The following GOLIM4 variants were observed in gnomAD, a reference collection of about 807,000 sequenced individuals.
GOLIM4 encodes the protein golgi integral membrane protein 4.
GOLIM4 carries 71 observed loss-of-function variants against 107.4 expected under a neutral mutation model. The ratio of observed to expected loss-of-function variants is 0.66; its 90% CI spans 0.55 to 0.81. The LOEUF is 0.81. GOLIM4 is among the 30% of genes least tolerant of loss of function. The pLI is 0.00. For synonymous variants in GOLIM4, 327 were observed against 294.8 expected (o/e 1.11, Z -1.12); for missense variants, 830 against 826.1 (o/e 1.00, Z -0.06).
chr3:168,031,414 T>C (rs951007486), intron 9 of GOLIM4, among the ~76,000 whole-genome samples: 4 of 152,244 alleles, frequency 2.6e-5, no homozygotes, highest in African/African-American at 9.6e-5. Context: ...GATTTGATCA[T>C]TATACATTAT....
intron 12 of GOLIM4, among the ~76,000 whole-genome samples, chr3:168,025,412 A>T (rs58555637): frequency 0.028 from 4,220 of 152,274 alleles, 201 homozygotes; most frequent in African/African-American, 0.097. Flanking sequence ...AATAATTAAT[A>T]AAAGTCAGAG....
At chr3:168,040,190 T>C (rs956699974) in intron 7 of GOLIM4, among the ~76,000 whole-genome samples, 5 of 152,202 alleles carry the variant, frequency 3.3e-5, no homozygotes, top group African/African-American at 1.2e-4. Context: ...CCAACACTTG[T>C]ATTTGTTCCC....
intron 13 of GOLIM4, 144 bp from the exon 14 acceptor site, chr3:168,024,738 C>A: frequency 1.2e-6 from 1 of 849,924 alleles, no homozygotes; most frequent in Non-Finnish European, 2.0e-6. Context: ...GTAATCATTC[C>A]CAATACAAAG....
intron 1 of GOLIM4, among the ~76,000 whole-genome samples, chr3:168,087,636 A>T (rs1486924970): frequency 6.6e-6 from 1 of 152,126 alleles, no homozygotes; most frequent in Non-Finnish European, 1.5e-5. Flanking sequence ...GACCCACCTA[A>T]CCTACTTTCT....
At position 168,095,236 on chromosome 3, in the gene GOLIM4, A is replaced by G. The variant is rs1722123026; in HGVS notation, c.50T>C (p.Leu17Pro). Residue 17 changes from leucine to proline, a missense_variant, in exon 1 of 16, where the codon CTG becomes CCG. By Grantham distance (98) the Leu-to-Pro change is moderately conservative. Transcript: ENST00000470487. ...SRKQKRIFQT[L>P]LLLTVVFGFL... is the part of the protein sequence containing the mutation. ...GCCGAACACGACGGTCAGCAGCAGC[A>G]GCGTCTGGAAAATCCGCTTCTGCTT... 6.2e-7 allele frequency: 1 copy of G among 1,613,482 alleles called. No individual in the cohort carries two copies. The highest frequency in any genetic ancestry group is 1.3e-5 in the African/African-American group (1 of 74,924).
intron 8 of GOLIM4, among the ~76,000 whole-genome samples, chr3:168,034,073 C>CT (rs2108233728): frequency 6.6e-6 from 1 of 152,278 alleles, no homozygotes; most frequent in African/African-American, 2.4e-5. Flanking sequence ...ATTATCAAAT[C>CT]TGAGAAATTG....
intron 1 of GOLIM4, among the ~76,000 whole-genome samples, chr3:168,061,231 A>C (rs1187058593): frequency 6.6e-6 from 1 of 152,184 alleles, no homozygotes; most frequent in Non-Finnish European, 1.5e-5. Context: ...TGCTCAACTA[A>C]ATTAGTTATC....
At chr3:168,064,514 A>G (rs1265014243) in intron 1 of GOLIM4, among the ~76,000 whole-genome samples, 1 of 152,206 alleles carries the variant, frequency 6.6e-6, no homozygotes, top group African/African-American at 2.4e-5. Flanking sequence ...ACTTACACCA[A>G]TATATGCATA....
At chr3:168,071,880 C>G (rs946460233) in intron 1 of GOLIM4, among the ~76,000 whole-genome samples, 3 of 152,136 alleles carry the variant, frequency 2.0e-5, no homozygotes, top group African/African-American at 7.2e-5. Flanking sequence ...CATCATCTTA[C>G]TCTTTTCAAA....
chr3:168,019,880 C>T (rs541944123), intron 14 of GOLIM4, among the ~76,000 whole-genome samples: 6 of 152,202 alleles, frequency 3.9e-5, no homozygotes, highest in Non-Finnish European at 2.9e-5. Flanking sequence ...GTAAAGTTCC[C>T]TGACCTCTGT....
chr3:168,054,907 G>A (rs1166705947), intron 1 of GOLIM4, among the ~76,000 whole-genome samples: 2 of 152,078 alleles, frequency 1.3e-5, no homozygotes, highest in African/African-American at 4.8e-5. Flanking sequence ...TAAGTCTCAT[G>A]AGATCTGATG....
At chr3:168,043,617 T>C (rs1719145858) in intron 4 of GOLIM4, 88 bp from the exon 5 acceptor site, 9 of 1,049,976 alleles carry the variant, frequency 8.6e-6, no homozygotes, top group Non-Finnish European at 1.1e-5. Flanking sequence ...CAAAAACAAA[T>C]GAAAGCAAGC....
At chr3:168,069,261 G>A (rs897274155) in intron 1 of GOLIM4, among the ~76,000 whole-genome samples, 2 of 152,006 alleles carry the variant, frequency 1.3e-5, no homozygotes, top group African/African-American at 4.8e-5. Context: ...CTCAATTTTT[G>A]GAAGAAAGCG....
chr3:168,068,847 T>TTTA (rs1451362482), intron 1 of GOLIM4, among the ~76,000 whole-genome samples: 112 of 150,392 alleles, frequency 7.4e-4, no homozygotes, highest in South Asian at 2.3e-3. Flanking sequence ...ATTTTTTTTT[T>TTTA]TTTTTTGAGA....
At chr3:168,040,283 T>C (rs147702718) in intron 7 of GOLIM4, among the ~76,000 whole-genome samples, 106 of 152,352 alleles carry the variant, frequency 7.0e-4, no homozygotes, top group African/African-American at 2.5e-3. Flanking sequence ...CTTATGACTC[T>C]TGTTTTTCCT....
chr3:168,040,051 C>G (rs1718896117), intron 7 of GOLIM4, among the ~76,000 whole-genome samples: 1 of 152,180 alleles, frequency 6.6e-6, no homozygotes, highest in Non-Finnish European at 1.5e-5. Flanking sequence ...GTTCTTTTAT[C>G]ATAATTCCTC....
rs1225992186 is a variant in GOLIM4 at position 168,048,298 on chromosome 3, T to C, written c.255A>G (p.Ala85=). 1.4e-6 allele frequency: 2 copies of C among 1,461,782 alleles called. No individual in the cohort carries two copies. The highest frequency in any genetic ancestry group is 2.8e-5 in the African/African-American group (2 of 72,134). 90.6% of individuals were successfully genotyped at this position (1,461,782 alleles called of 1,614,324 possible). ...LQKERLEHKK[A]KEDFLVYKLE... Reference sequence around the variant, plus strand: ...AATTATGTATTTACTTACCTTCCTTTGCTTTTTTATGTTCAAGTCTTTCTT... The same window carrying C: ...AATTATGTATTTACTTACCTTCCTTCGCTTTTTTATGTTCAAGTCTTTCTT... The change falls in exon 2 of 16, where the codon GCA becomes GCG. Residue 85 remains alanine (A), a synonymous_variant. Coordinates refer to ENST00000470487, the MANE Select transcript of GOLIM4 (RefSeq NM_014498.5).
rs564099280 is a variant in GOLIM4 at position 168,094,663 on chromosome 3, A to G, written c.187+436T>C. On this transcript the variant is annotated intron_variant, in intron 1 of 15. Coordinates refer to ENST00000470487, the MANE Select transcript of GOLIM4 (RefSeq NM_014498.5). ...AGCACAGTTTGAGAAATCTCTGCCA[A>G]ACTCTTCATTTTTTAAGCAACTGAC... 5.3e-5 allele frequency among the ~76,000 whole-genome samples: 8 copies of G among 152,288 alleles called. 1 individual carries two copies. In the South Asian group the frequency reaches 1.7e-3, roughly 32 times the overall value.
intron 14 of GOLIM4, among the ~76,000 whole-genome samples, chr3:168,022,219 T>G (rs563761432): frequency 2.6e-5 from 4 of 152,114 alleles, no homozygotes; most frequent in African/African-American, 9.6e-5. Flanking sequence ...CAGGAGGAAA[T>G]GCTGACAGAA....
Sources: gnomAD v4.1 joint callset for allele counts (sites outside exome capture counted in the v4.1 genomes callset) on GRCh38, gnomAD v4.1.1 for gene constraint, MANE v1.5 for transcripts, NCBI Gene and HGNC (gene_info 2026-07-23, HGNC 2026-07-21) for gene names.